DLG1: variants seen among roughly 807,000 people sequenced by gnomAD.
The protein encoded by DLG1 is discs large MAGUK scaffold protein 1, also known as disks large homolog 1.
Under a neutral mutation model 123.4 loss-of-function variants are expected in DLG1, and 42 were observed. That is an observed-to-expected ratio of 0.34 (90% CI 0.27 to 0.44). The LOEUF (loss-of-function observed/expected upper bound fraction) is 0.44, where lower values mean the gene tolerates loss of function less well. Among genes scored for constraint, DLG1 ranks in the 20% least tolerant of loss-of-function variants. The pLI, the probability that DLG1 is intolerant of heterozygous loss-of-function variation, is 1.00. For synonymous variants in DLG1, 317 were observed against 356.2 expected (o/e 0.89, Z 1.24); for missense variants, 942 against 1,082.6 (o/e 0.87, Z 1.82).
chr3:197,194,376 A>G, intron 5 of DLG1, 49 bp downstream of exon 5: 1 of 1,308,568 alleles, frequency 7.6e-7, no homozygotes, highest in Non-Finnish European at 1.0e-6. Context: ...TATATGTATA[A>G]CAAAAGTAAT....
At chr3:197,075,926 T>C (rs1746954562) in intron 18 of DLG1, 2 of 1,504,416 alleles carry the variant, frequency 1.3e-6, no homozygotes. Flanking sequence ...AAGAAAATAG[T>C]TGTCAGTAAT....
At chr3:197,298,254 G>A (rs1341937558) in intron 1 of DLG1, 1 of 357,748 alleles carries the variant, frequency 2.8e-6, no homozygotes, top group Non-Finnish European at 5.0e-6. Context: ...GGAAGGGGGA[G>A]GCGGGTCGGG....
intron 6 of DLG1, among the ~76,000 whole-genome samples, chr3:197,148,258 A>AAAAAAAAAAAAAAAAAAAAAAAAAAAC (rs1561041855): frequency 6.9e-6 from 1 of 144,072 alleles, no homozygotes; most frequent in Non-Finnish European, 1.5e-5. Flanking sequence ...AAAAAAAAAA[A>AAAAAAAAAAAAAAAAAAAAAAAAAAAC]AAATAGCCAG....
intron 4 of DLG1, among the ~76,000 whole-genome samples, chr3:197,234,880 T>G (rs1027723655): frequency 6.6e-6 from 1 of 152,112 alleles, no homozygotes; most frequent in Admixed American, 6.6e-5. Context: ...AAAAGTTATG[T>G]TTTTTAAGGA....
intron 5 of DLG1, among the ~76,000 whole-genome samples, chr3:197,190,557 C>G (rs74558224): frequency 6.6e-6 from 1 of 152,148 alleles, no homozygotes; most frequent in Admixed American, 6.5e-5. Context: ...CTATAGTAGC[C>G]GTAATAGTGG....
chr3:197,175,205 G>A (rs1321939561), intron 5 of DLG1, among the ~76,000 whole-genome samples: 1 of 152,110 alleles, frequency 6.6e-6, no homozygotes, highest in African/African-American at 2.4e-5. Flanking sequence ...TTCTTTAAAA[G>A]GTGGTAACTG....
intron 13 of DLG1, among the ~76,000 whole-genome samples, chr3:197,108,054 G>A (rs1278227535): frequency 6.6e-6 from 1 of 152,046 alleles, no homozygotes; most frequent in Non-Finnish European, 1.5e-5. Flanking sequence ...TGCTTTTTCT[G>A]TGTCTACTGA....
At chr3:197,114,131 A>G (rs926742063) in intron 13 of DLG1, among the ~76,000 whole-genome samples, 1 of 152,236 alleles carries the variant, frequency 6.6e-6, no homozygotes, top group African/African-American at 2.4e-5. Context: ...GTTTAGGGAC[A>G]GAGTACATAC....
intron 22 of DLG1, among the ~76,000 whole-genome samples, chr3:197,060,612 T>C (rs1735109461): frequency 6.6e-6 from 1 of 152,218 alleles, no homozygotes; most frequent in South Asian, 2.1e-4. Flanking sequence ...CTCATTTTAT[T>C]AGGGACTGAC....
At position 197,232,248 on chromosome 3, in the gene DLG1, C is replaced by A. The variant is rs111534657; in HGVS notation, c.319-37659G>T. ...AGGCATGGTGGCTCACTCCTGTAAT[C>A]CCAGCACTTTGGGAGGCTGAGGGGG... On this transcript the variant is annotated intron_variant, in intron 4 of 24. Coordinates refer to ENST00000667157, the MANE Select transcript of DLG1 (RefSeq NM_001366207.1). Among the ~76,000 whole-genome samples, 745 of 151,724 alleles carry A rather than the reference C, an allele frequency of 4.9e-3. 8 individuals are homozygous for A. Among genetic ancestry groups the A allele is most frequent in the African/African-American group, 0.017 (713 of 41,334 alleles).
At chr3:197,128,391 A>AG (rs1780860640) in intron 11 of DLG1, among the ~76,000 whole-genome samples, 1 of 152,234 alleles carries the variant, frequency 6.6e-6, no homozygotes, top group Non-Finnish European at 1.5e-5. Context: ...TCACATCTTC[A>AG]GGCTCCACTT....
chr3:197,228,237 G>A (rs1740978774), intron 4 of DLG1, among the ~76,000 whole-genome samples: 1 of 152,134 alleles, frequency 6.6e-6, no homozygotes, highest in Admixed American at 6.6e-5. Context: ...TGGAGGATTT[G>A]TCTCATTGAT....
intron 10 of DLG1, among the ~76,000 whole-genome samples, chr3:197,134,206 C>G (rs1040279466): frequency 1.3e-5 from 2 of 151,986 alleles, no homozygotes; most frequent in Non-Finnish European, 2.9e-5. Context: ...AAACATAGTT[C>G]AAGTTCTGCT....
chr3:197,175,049 G>C lies in DLG1; in HGVS notation c.483+19376C>G, dbSNP rs1368751636. On this transcript the variant is annotated intron_variant, in intron 5 of 24. Transcript: ENST00000667157. ...AGGAAGTGCTCCTGTTACGAAGTGA[G>C]GAGGGAAAATCTTTTAAATAAATGC... Among the ~76,000 whole-genome samples the C allele has an allele frequency of 2.0e-5, 3 of 152,338 alleles. No homozygotes were observed. The East Asian group carries it at 5.8e-4, about 29-fold the overall frequency.
intron 22 of DLG1, among the ~76,000 whole-genome samples, chr3:197,060,817 A>G (rs1364677021): frequency 6.6e-6 from 1 of 152,152 alleles, no homozygotes; most frequent in Non-Finnish European, 1.5e-5. Flanking sequence ...CGATAATGCA[A>G]CTTCAGTTTT....
intron 4 of DLG1, among the ~76,000 whole-genome samples, chr3:197,264,112 A>T (rs1349406409): frequency 6.6e-6 from 1 of 150,886 alleles, no homozygotes; most frequent in East Asian, 1.9e-4. Context: ...ATATTATTCC[A>T]GTCACATTTC....
chr3:197,185,610 CAA>C (rs1444863628), intron 5 of DLG1, among the ~76,000 whole-genome samples: 1 of 152,044 alleles, frequency 6.6e-6, no homozygotes, highest in Non-Finnish European at 1.5e-5. Context: ...GAAAAAAATT[CAA>C]GTTTTGTTAT....
chr3:197,166,661 G>A (rs1801578756), intron 5 of DLG1, among the ~76,000 whole-genome samples: 1 of 152,136 alleles, frequency 6.6e-6, no homozygotes, highest in South Asian at 2.1e-4. Context: ...AGGCGGAGGT[G>A]GGCGGATCAT....
At chr3:197,146,827 A>G (rs1288917732) in intron 6 of DLG1, among the ~76,000 whole-genome samples, 1 of 152,228 alleles carries the variant, frequency 6.6e-6, no homozygotes, top group Non-Finnish European at 1.5e-5. Flanking sequence ...AAGCTTCTGC[A>G]CAACAAAATA....
Sources: allele counts gnomAD v4.1 joint callset (sites outside exome capture counted in the v4.1 genomes callset), GRCh38; gene constraint gnomAD v4.1.1; transcripts MANE v1.5; gene names NCBI Gene and HGNC (gene_info 2026-07-23, HGNC 2026-07-21).